Variants in WWOX observed in about 807,000 individuals in gnomAD.
WWOX encodes the protein WW domain-containing oxidoreductase.
Under a neutral mutation model 46.2 loss-of-function variants are expected in WWOX, and 69 were observed. That is an observed-to-expected ratio of 1.49 (90% CI 1.23 to 1.82). WWOX has a LOEUF of 1.82. Ranked by LOEUF, WWOX falls within the 40% of genes most tolerant of loss-of-function variation. The pLI is 0.00. For synonymous variants in WWOX, 359 were observed against 202.6 expected, an observed-to-expected ratio of 1.77 and a Z score of -6.56; for missense variants, 919 against 542.6, an observed-to-expected ratio of 1.69 and a Z score of -6.89.
chr16:78,977,690 G>C (rs1398780422), intron 8 of WWOX, among the ~76,000 whole-genome samples: 1 of 152,036 alleles, frequency 6.6e-6, no homozygotes, highest in Admixed American at 6.5e-5. Context: ...TCTGACAGAG[G>C]GCTCGGATCA....
At position 78,583,189 on chromosome 16, in the gene WWOX, T is replaced by C. The variant is rs1114030; in HGVS notation, c.1056+150437T>C. ...AATGCAAAGTCTTTAAAGATGTGTG[T>C]TCCTGAAACTCAGGAGGCTGCTCTA... On this transcript the variant is annotated intron_variant, in intron 8 of 8. Coordinates refer to ENST00000566780, the MANE Select transcript of WWOX (RefSeq NM_016373.4). Among the ~76,000 whole-genome samples, 1,462 of 152,276 alleles carry C rather than the reference T, an allele frequency of 9.6e-3. 19 individuals carry two copies. Among genetic ancestry groups the C allele is most frequent in the African/African-American group, 0.033 (1,369 of 41,554 alleles).
At chr16:78,747,051 C>A (rs1047982507) in intron 8 of WWOX, among the ~76,000 whole-genome samples, 7 of 152,090 alleles carry the variant, frequency 4.6e-5, no homozygotes, top group Non-Finnish European at 7.3e-5. Context: ...GTAGCTGTGC[C>A]CAATGTCCTC....
chr16:79,107,848 G>C (rs780974937), intron 8 of WWOX, among the ~76,000 whole-genome samples: 1 of 152,040 alleles, frequency 6.6e-6, no homozygotes, highest in African/African-American at 2.4e-5. Context: ...CTAATAATTC[G>C]ACATTAGTGA....
intron 8 of WWOX, among the ~76,000 whole-genome samples, chr16:78,903,850 G>A (rs2151245467): frequency 1.3e-5 from 2 of 152,318 alleles, no homozygotes; most frequent in Middle Eastern, 6.8e-3. Context: ...ATTCTATTTA[G>A]TTCTCAGAAC....
At chr16:78,323,018 G>T (rs746084665) in intron 5 of WWOX, among the ~76,000 whole-genome samples, 32 of 152,206 alleles carry the variant, frequency 2.1e-4, no homozygotes, top group Admixed American at 3.9e-4. Flanking sequence ...CTCCAGCCTG[G>T]GTGACAGAAT....
intron 8 of WWOX, among the ~76,000 whole-genome samples, chr16:79,085,136 A>G (rs1024183507): frequency 6.6e-6 from 1 of 152,190 alleles, no homozygotes; most frequent in African/African-American, 2.4e-5. Flanking sequence ...ATATGTAAAT[A>G]TATCTGCATA....
At chr16:78,402,806 T>C (rs563574100) in intron 6 of WWOX, among the ~76,000 whole-genome samples, 1 of 152,362 alleles carries the variant, frequency 6.6e-6, no homozygotes, top group African/African-American at 2.4e-5. Flanking sequence ...GAAATAATTC[T>C]AACCAATCAG....
At chr16:79,204,866 A>G (rs1009838141) in intron 8 of WWOX, 5 of 152,328 alleles carry the variant, frequency 3.3e-5, no homozygotes, top group Admixed American at 6.5e-5. Context: ...TCGTTCCTGC[A>G]AATATTTCAC....
chr16:78,106,463 C>A (rs1174485572), intron 1 of WWOX, among the ~76,000 whole-genome samples: 3 of 124,176 alleles, frequency 2.4e-5, no homozygotes, highest in Non-Finnish European at 3.2e-5. Context: ...ACAATTGTTG[C>A]CCAGGCTGGA....
chr16:79,095,588 A>C (rs2049051495), intron 8 of WWOX, among the ~76,000 whole-genome samples: 1 of 152,196 alleles, frequency 6.6e-6, no homozygotes, highest in African/African-American at 2.4e-5. Flanking sequence ...AAATGGAGCC[A>C]CATTTAGTTA....
chr16:78,394,227 C>G (rs1489421621), intron 6 of WWOX, among the ~76,000 whole-genome samples: 1 of 152,076 alleles, frequency 6.6e-6, no homozygotes, highest in Admixed American at 6.5e-5. Context: ...TTTGGTTTGC[C>G]TAACAGAAGA....
intron 8 of WWOX, among the ~76,000 whole-genome samples, chr16:78,567,974 T>C (rs1015141825): frequency 6.6e-6 from 1 of 152,054 alleles, no homozygotes; most frequent in African/African-American, 2.4e-5. Flanking sequence ...TAATGGAAAA[T>C]GTGTTGCCAT....
chr16:78,863,549 C>A (rs530236962), intron 8 of WWOX, among the ~76,000 whole-genome samples: 2 of 152,178 alleles, frequency 1.3e-5, no homozygotes, highest in African/African-American at 4.8e-5. Context: ...TCCTCGTGAT[C>A]TTTCGGCATT....
At chr16:78,461,311 C>G (rs2083941838) in intron 8 of WWOX, among the ~76,000 whole-genome samples, 1 of 152,054 alleles carries the variant, frequency 6.6e-6, no homozygotes, top group South Asian at 2.1e-4. Context: ...TGCTCTTGCA[C>G]TGTCCGTTTT....
At chr16:78,739,969 A>G (rs1230113863) in intron 8 of WWOX, among the ~76,000 whole-genome samples, 1 of 152,078 alleles carries the variant, frequency 6.6e-6, no homozygotes, top group Non-Finnish European at 1.5e-5. Flanking sequence ...CTCTCTCTAA[A>G]TTATCTCACC....
At chr16:78,626,818 C>T (rs865999959) in intron 8 of WWOX, among the ~76,000 whole-genome samples, 15 of 152,170 alleles carry the variant, frequency 9.9e-5, no homozygotes, top group East Asian at 1.9e-4. Context: ...ATTTATATCA[C>T]GGTACACTCA....
chr16:78,844,776 A>G (rs140473007), intron 8 of WWOX, among the ~76,000 whole-genome samples: 1 of 152,292 alleles, frequency 6.6e-6, no homozygotes, highest in Non-Finnish European at 1.5e-5. Flanking sequence ...TTAGTCTTGT[A>G]TATTTATGTA....
chr16:78,627,349 G>C (rs1387192988), intron 8 of WWOX, among the ~76,000 whole-genome samples: 1 of 152,140 alleles, frequency 6.6e-6, no homozygotes, highest in African/African-American at 2.4e-5. Context: ...GAGAAGACCT[G>C]AATCCTAATT....
intron 5 of WWOX, among the ~76,000 whole-genome samples, chr16:78,379,136 T>G (rs933320043): frequency 3.3e-5 from 5 of 152,224 alleles, no homozygotes; most frequent in African/African-American, 1.2e-4. Context: ...CACTATTAAA[T>G]GAAAACAAGC....
Sources: allele counts gnomAD v4.1 joint callset (sites outside exome capture counted in the v4.1 genomes callset), GRCh38; gene constraint gnomAD v4.1.1; transcripts MANE v1.5; gene names NCBI Gene and HGNC (gene_info 2026-07-23, HGNC 2026-07-21).